Variants in SASH1 observed in about 807,000 individuals in gnomAD.
The protein encoded by SASH1 is SAM and SH3 domain containing 1, also known as SAM and SH3 domain-containing protein 1.
A neutral mutation model predicts 125.2 loss-of-function variants in SASH1; 44 were observed. The ratio of observed to expected loss-of-function variants is 0.35; its 90% CI spans 0.28 to 0.45. The LOEUF (loss-of-function observed/expected upper bound fraction) is 0.45, where lower values mean the gene tolerates loss of function less well. Among genes scored for constraint, SASH1 ranks in the 20% least tolerant of loss-of-function variants. The probability of loss-of-function intolerance (pLI) is 1.00; values close to 1 mark genes in which losing one functional copy is unlikely to be tolerated. For synonymous variants in SASH1, 639 were observed against 649.1 expected (o/e 0.98, Z 0.24); for missense variants, 1,426 against 1,614.5 (o/e 0.88, Z 2.00).
At chr6:148,508,915 G>C in intron 8 of SASH1, 20 of 1,104,550 alleles carry the variant, frequency 1.8e-5, no homozygotes, top group Non-Finnish European at 2.2e-5. Context: ...AAGAAAGAAT[G>C]TGTTTTCTGT....
chr6:148,205,344 C>T, the SASH1 span, among the ~76,000 whole-genome samples: 1 of 152,290 alleles, frequency 6.6e-6, no homozygotes, highest in East Asian at 1.9e-4. Context: ...CTTGGTTGCC[C>T]ATCAGCCTTT....
At chr6:148,306,290 A>T (rs1780128949) in intron 1 of SASH1, among the ~76,000 whole-genome samples, 1 of 152,164 alleles carries the variant, frequency 6.6e-6, no homozygotes, top group African/African-American at 2.4e-5. Flanking sequence ...TCAGGATGCC[A>T]TCTATAGATG....
At position 148,518,520 on chromosome 6, in the gene SASH1, T is replaced by C. The variant is rs969960186; in HGVS notation, c.863-1027T>C. 5.9e-5 allele frequency among the ~76,000 whole-genome samples: 9 copies of C among 152,200 alleles called. No individual in the cohort carries two copies. In the East Asian group the frequency reaches 1.7e-3, roughly 29 times the overall value. On this transcript the variant is annotated intron_variant, in intron 9 of 19. Transcript: ENST00000367467. Reference sequence around the variant, plus strand: ...ACTGAGCATAGCTCCCCTTTTTCTCTGACATTTAACCACACACTGGCGCCC... The same window carrying C: ...ACTGAGCATAGCTCCCCTTTTTCTCCGACATTTAACCACACACTGGCGCCC...
intron 16 of SASH1, among the ~76,000 whole-genome samples, chr6:148,538,129 A>T (rs1354447153): frequency 6.6e-6 from 1 of 152,082 alleles, no homozygotes. Flanking sequence ...TCCTTACGCC[A>T]ACTGTGGTTT....
chr6:148,544,829 T>C lies in SASH1; in HGVS notation c.3348+11T>C. On this transcript the variant is annotated intron_variant, in intron 18 of 19. Coordinates refer to ENST00000367467, the MANE Select transcript of SASH1 (RefSeq NM_015278.5). This position sits in a 1 kb window ranked among gnomAD's most constrained non-coding sequence, Gnocchi z 6.4. ...CCGTATTCTGATAAGGTATCAAAGG[T>C]CCTGGGCCCACCACGTTCACAGGCC... 1 of 1,561,242 alleles carries C rather than the reference T, an allele frequency of 6.4e-7. No individual in the cohort carries two copies. Among genetic ancestry groups the C allele is most frequent in the South Asian group, 1.2e-5 (1 of 84,674 alleles).
intron 1 of SASH1, among the ~76,000 whole-genome samples, chr6:148,379,604 AATCC>A (rs966181555): frequency 2.6e-5 from 4 of 151,880 alleles, no homozygotes; most frequent in Non-Finnish European, 5.9e-5. Flanking sequence ...TCCATCCATC[AATCC>A]ATCCATCCAT....
chr6:148,387,633 TTTCTTTCTTTCTTTCTTTCTTTC>T (rs1783495418), intron 1 of SASH1, among the ~76,000 whole-genome samples: 1 of 79,792 alleles, frequency 1.3e-5, no homozygotes, highest in East Asian at 2.7e-4. Flanking sequence ...TCTTTCTTTC[TTTCTTTCTTTCTTTCTTTCTTTC>T]TTTCTTTCTT....
upstream of SASH1, among the ~76,000 whole-genome samples, chr6:148,270,904 CT>C (rs780443533): frequency 0.05 from 6,384 of 127,610 alleles, 218 homozygotes; most frequent in African/African-American, 0.14. Flanking sequence ...TCATCCACAA[CT>C]TTTTTTTTTT....
chr6:148,277,334 G>A (rs1779215045), intron 1 of SASH1, among the ~76,000 whole-genome samples: 4 of 152,174 alleles, frequency 2.6e-5, no homozygotes, highest in Admixed American at 2.6e-4. Flanking sequence ...ACAATACCAT[G>A]CTAACACCTG....
chr6:148,449,074 A>ATTTCTTTTTCTT lies in SASH1; in HGVS notation c.386+8676_386+8677insCTTTTTCTTTTT, dbSNP rs1419978576. On this transcript the variant is annotated intron_variant, in intron 4 of 19. Transcript: ENST00000367467. ...ACCCGAGACTGGCTAATTTCATTTC[A>ATTTCTTTTTCTT]TTTCTTTTTTTTTTTTTTTGGAGAC... 9.2e-4 allele frequency among the ~76,000 whole-genome samples: 30 copies of ATTTCTTTTTCTT among 32,750 alleles called. 1 individual carries two copies. Among genetic ancestry groups the ATTTCTTTTTCTT allele is most frequent in the Non-Finnish European group, 1.3e-4 (2 of 15,672 alleles). The allele number at this position is 32,750 out of a possible 152,430, so 21.5% of individuals were successfully genotyped here.
chr6:148,503,497 T>G (rs901800275), intron 8 of SASH1, among the ~76,000 whole-genome samples: 6 of 152,236 alleles, frequency 3.9e-5, no homozygotes, highest in African/African-American at 1.4e-4. Context: ...GTATTGACTA[T>G]TTCTTGACAT....
intron 6 of SASH1, among the ~76,000 whole-genome samples, chr6:148,472,739 G>A (rs951088653): frequency 1.3e-5 from 2 of 152,166 alleles, no homozygotes; most frequent in Non-Finnish European, 2.9e-5. Flanking sequence ...AAATTAGATG[G>A]AAATACAGGG....
chr6:148,238,625 TACACACACACACACAC>T, the SASH1 span, among the ~76,000 whole-genome samples: 110 of 149,558 alleles, frequency 7.4e-4, 2 homozygotes, highest in African/African-American at 2.4e-3. Flanking sequence ...TACACACACA[TACACACACACACACAC>T]ACACACACAC....
intron 1 of SASH1, among the ~76,000 whole-genome samples, chr6:148,322,578 A>G (rs1402176620): frequency 6.6e-6 from 1 of 152,104 alleles, no homozygotes; most frequent in African/African-American, 2.4e-5. Context: ...GAGGCTGGGT[A>G]GGGTTACCAT....
intron 7 of SASH1, among the ~76,000 whole-genome samples, chr6:148,484,669 G>A (rs1461531921): frequency 6.6e-6 from 1 of 151,860 alleles, no homozygotes; most frequent in Non-Finnish European, 1.5e-5. Flanking sequence ...TGCCAGGTGC[G>A]GCGGCTCACA....
intron 17 of SASH1, among the ~76,000 whole-genome samples, chr6:148,542,001 A>T (rs577622046): frequency 6.6e-6 from 1 of 151,968 alleles, no homozygotes; most frequent in East Asian, 1.9e-4. Flanking sequence ...GTTCTGAAGA[A>T]TTTTTTTTTC....
chr6:148,197,961 T>C, the SASH1 span, among the ~76,000 whole-genome samples: 2 of 152,196 alleles, frequency 1.3e-5, no homozygotes, highest in Non-Finnish European at 2.9e-5. Flanking sequence ...GTGAGTCTCC[T>C]GCCTCAGCAT....
At chr6:148,446,351 G>A (rs1047893977) in intron 4 of SASH1, among the ~76,000 whole-genome samples, 8 of 151,914 alleles carry the variant, frequency 5.3e-5, no homozygotes, top group East Asian at 1.9e-4. Flanking sequence ...CTCATGATCC[G>A]CCCGCCTTGG....
rs186641810 is a variant in SASH1 at position 148,396,423 on chromosome 6, G to A, written c.285+6161G>A. On this transcript the variant is annotated intron_variant, in intron 2 of 19. Transcript: ENST00000367467. ...AACCCAGGAGGCGAGGTTGCAGTGA[G>A]CCAAGATCATGCCGCTTTACTCCAG... Among the ~76,000 whole-genome samples, 19 of 136,026 alleles carry A rather than the reference G, an allele frequency of 1.4e-4. No homozygotes were observed. In the East Asian group the frequency reaches 3.3e-3, roughly 24 times the overall value. The allele number at this position is 136,026 out of a possible 152,430, so 89.2% of individuals were successfully genotyped here. A position where few individuals can be genotyped will look rare whatever the true frequency, so the allele number is the denominator to read the frequency against.
Sources: gnomAD v4.1 joint callset for allele counts (sites outside exome capture counted in the v4.1 genomes callset) on GRCh38, gnomAD v4.1.1 for gene constraint, Gnocchi (gnomAD v3.1) non-coding constraint, MANE v1.5 for transcripts, NCBI Gene and HGNC (gene_info 2026-07-23, HGNC 2026-07-21) for gene names.